The following ESYT3 variants were observed in gnomAD, a reference collection of about 807,000 sequenced individuals.
ESYT3 encodes the protein extended synaptotagmin-3.
ESYT3 carries 101 observed loss-of-function variants against 111.5 expected under a neutral mutation model. That is an observed-to-expected ratio of 0.91 (90% CI 0.77 to 1.07). The LOEUF (loss-of-function observed/expected upper bound fraction) is 1.07, where lower values mean the gene tolerates loss of function less well. Ranked by LOEUF, ESYT3 falls within the 50% of genes least tolerant of loss-of-function variation. The probability of loss-of-function intolerance (pLI) is 0.00; values close to 1 mark genes in which losing one functional copy is unlikely to be tolerated. For missense variants in ESYT3, 1,097 were observed against 1,109.4 expected (o/e 0.99, Z 0.16); for synonymous variants, 416 against 446.8 (o/e 0.93, Z 0.87).
intron 3 of ESYT3, 150 bp downstream of exon 3, chr3:138,455,478 C>T: frequency 1.3e-6 from 1 of 755,732 alleles, no homozygotes; most frequent in Non-Finnish European, 2.1e-6. Flanking sequence ...CCACCACCTG[C>T]ATTTCCCAGC....
In ESYT3 at chr3:138,469,429, C is replaced by T. The variant is rs767363107; in HGVS notation, c.1435-7C>T. ...ACCTTCACTGTTATGGATTTGATTCCTCACAGAACAAGGTCAGCAAAGACC... is the reference window on the plus strand; with the variant it reads ...ACCTTCACTGTTATGGATTTGATTCTTCACAGAACAAGGTCAGCAAAGACC... On this transcript the variant is annotated splice_polypyrimidine_tract_variant and splice_region_variant and intron_variant, in intron 14 of 22. Transcript: ENST00000389567. The T allele has an allele frequency of 2.5e-6, 4 of 1,612,744 alleles. No homozygotes were observed. Among genetic ancestry groups the T allele is most frequent in the Non-Finnish European group, 3.4e-6 (4 of 1,178,960 alleles).
At chr3:138,480,350 T>C (rs2033665813), downstream of ESYT3, 1 of 152,182 alleles carries the variant, frequency 6.6e-6, no homozygotes, top group Non-Finnish European at 1.5e-5. Context: ...AAACAATATA[T>C]TAAGAAACAG....
chr3:138,459,152 T>A, intron 4 of ESYT3, 35 bp from the exon 5 acceptor site: 1 of 1,475,348 alleles, frequency 6.8e-7, no homozygotes, highest in Non-Finnish European at 9.1e-7. Flanking sequence ...GACCTACCCC[T>A]CCTCCCCACC....
rs1286275216 is a variant in ESYT3, at chr3:138,435,681, C to T, written c.327+556C>T. On this transcript the variant is annotated intron_variant, in intron 1 of 22. Transcript: ENST00000389567. The surrounding 1 kb of genome is among the most constrained non-coding windows in gnomAD (Gnocchi z 4.8). ...CGGCGCCGGGCCCCGGGCCTCCTTC[C>T]CTCCCTCCCTCCGCCGGATAGGGAT... Among the ~76,000 whole-genome samples, 2 of 137,416 alleles carry T rather than the reference C, an allele frequency of 1.5e-5. No individual in the cohort carries two copies. Among genetic ancestry groups the T allele is most frequent in the Non-Finnish European group, 3.3e-5 (2 of 60,436 alleles). 90.2% of individuals were successfully genotyped at this position (137,416 alleles called of 152,430 possible). A position where few individuals can be genotyped will look rare whatever the true frequency, so the allele number is the denominator to read the frequency against.
intron 10 of ESYT3, among the ~76,000 whole-genome samples, 195 bp from the exon 11 acceptor site, chr3:138,467,366 G>A (rs1576459079): frequency 6.6e-6 from 1 of 152,294 alleles, no homozygotes; most frequent in East Asian, 1.9e-4. Flanking sequence ...CACACCCAGT[G>A]GGAGCAGCCC....
In ESYT3 at chr3:138,440,828, A is replaced by G. The variant is rs1283511946; in HGVS notation, c.327+5703A>G. On this transcript the variant is annotated intron_variant, in intron 1 of 22. Coordinates refer to ENST00000389567, the MANE Select transcript of ESYT3 (RefSeq NM_031913.5). The surrounding 1 kb of genome is among the most constrained non-coding windows in gnomAD (Gnocchi z 4.2). ...AGGGATCTTAGGCATACATGTGTTC[A>G]TTCCTATACTCACTCAGCAAGCATT... Among the ~76,000 whole-genome samples the G allele has an allele frequency of 6.6e-6, 1 of 152,192 alleles. No homozygotes were observed. Among genetic ancestry groups the G allele is most frequent in the African/African-American group, 2.4e-5 (1 of 41,454 alleles).
intron 1 of ESYT3, among the ~76,000 whole-genome samples, chr3:138,448,815 G>A (rs556334753): frequency 3.9e-4 from 59 of 152,308 alleles, no homozygotes; most frequent in Non-Finnish European, 5.4e-4. Flanking sequence ...ATGTAGTCTG[G>A]CTCTTGCACC....
At chr3:138,458,374 C>T (rs1576445574) in intron 4 of ESYT3, among the ~76,000 whole-genome samples, 2 of 152,238 alleles carry the variant, frequency 1.3e-5, no homozygotes, top group East Asian at 3.9e-4. Context: ...GGCGCTGCCA[C>T]AAGGTCCTTG....
At chr3:138,460,146 A>G in intron 6 of ESYT3, 112 bp downstream of exon 6, 2 of 868,082 alleles carry the variant, frequency 2.3e-6, no homozygotes, top group African/African-American at 1.7e-5. Flanking sequence ...CAGCCCACTG[A>G]GACCTGGGCA....
In ESYT3 at chr3:138,459,928, C is replaced by T. The variant is rs1226154517; in HGVS notation, c.649-17C>T. On this transcript the variant is annotated splice_polypyrimidine_tract_variant and intron_variant, in intron 5 of 22. Coordinates refer to ENST00000389567, the MANE Select transcript of ESYT3 (RefSeq NM_031913.5). ...AAGTAGGCCTGGGCCCCTCACGGGC[C>T]CTCTGTGCCTATCCAGTTGCAGGGC... 2 of 1,612,096 alleles carry T rather than the reference C, an allele frequency of 1.2e-6. No individual in the cohort carries two copies. The highest frequency in any genetic ancestry group is 1.7e-6 in the Non-Finnish European group (2 of 1,178,586).
intron 18 of ESYT3, chr3:138,473,192 T>C (rs2033321364): frequency 8.7e-7 from 1 of 1,153,544 alleles, no homozygotes; most frequent in Admixed American, 3.7e-5. Context: ...TTATGAAGGG[T>C]TTACTATGGG....
At chr3:138,461,494 CAG>C (rs754814570) in intron 7 of ESYT3, among the ~76,000 whole-genome samples, 6 of 152,306 alleles carry the variant, frequency 3.9e-5, no homozygotes, top group South Asian at 4.1e-4. Flanking sequence ...TCATCAGACT[CAG>C]GGGAGGGCTG....
rs568332321 is a variant in ESYT3, at chr3:138,456,162, T to G, written c.504+834T>G. Among the ~76,000 whole-genome samples, 26 of 152,372 alleles carry G rather than the reference T, an allele frequency of 1.7e-4. No individual in the cohort carries two copies. In the East Asian group the frequency reaches 4.4e-3, roughly 26 times the overall value. On this transcript the variant is annotated intron_variant, in intron 3 of 22. Transcript: ENST00000389567. ...AGATTGGGATTTCTGCCATTCAAAC[T>G]GGCTTGTGCCAGCATCTGTTGGTTC... is the stretch of plus-strand genomic sequence containing the variant.
At chr3:138,457,346 C>G (rs1005009095) in intron 3 of ESYT3, among the ~76,000 whole-genome samples, 37 of 152,172 alleles carry the variant, frequency 2.4e-4, no homozygotes, top group African/African-American at 7.5e-4. Flanking sequence ...CAGGGCCACT[C>G]TGTGTGGCTG....
chr3:138,471,988 A>G (rs182110286), intron 17 of ESYT3, among the ~76,000 whole-genome samples: 8 of 152,328 alleles, frequency 5.3e-5, no homozygotes, highest in African/African-American at 1.7e-4. Flanking sequence ...TTTTAACTAA[A>G]GAGATCCCAC....
At chr3:138,480,654 G>A (rs761393795), downstream of ESYT3, 4 of 152,148 alleles carry the variant, frequency 2.6e-5, no homozygotes, top group Non-Finnish European at 4.4e-5. Context: ...TTAAATAAAT[G>A]TTAAACCTAA....
chr3:138,470,217 G>C (rs1056930001), intron 16 of ESYT3, 71 bp downstream of exon 16: 2 of 1,547,870 alleles, frequency 1.3e-6, no homozygotes, highest in African/African-American at 2.7e-5. Flanking sequence ...GAAGCTTGAA[G>C]TGCACCTTGA....
intron 18 of ESYT3, 150 bp from the exon 19 acceptor site, chr3:138,473,386 C>T: frequency 1.4e-6 from 1 of 731,640 alleles, no homozygotes; most frequent in Non-Finnish European, 2.2e-6. Context: ...CTGGATGGAA[C>T]TGAATTCCAT....
chr3:138,434,700 C>A lies in ESYT3; in HGVS notation c.-99C>A. The A allele has an allele frequency of 8.9e-7, 1 of 1,126,760 alleles. No homozygotes were observed. 69.8% of individuals were successfully genotyped at this position (1,126,760 alleles called of 1,614,324 possible). ...CAGCAGGGCAAGGGGGCGCGGCGTC[C>A]TGGTCCTCGAGCTTGGGAGACAGAT... On this transcript the variant is annotated 5_prime_UTR_variant, in exon 1 of 23. It adds an upstream start codon to the 5' untranslated region. Transcript: ENST00000389567.
Sources: allele counts gnomAD v4.1 joint callset (sites outside exome capture counted in the v4.1 genomes callset), GRCh38; gene constraint gnomAD v4.1.1; non-coding constraint Gnocchi (gnomAD v3.1); transcripts MANE v1.5; gene names NCBI Gene and HGNC (gene_info 2026-07-23, HGNC 2026-07-21).